The following CASP5 variants were observed in gnomAD, a reference collection of about 807,000 sequenced individuals.
CASP5 encodes caspase-5.
In CASP5, 42 loss-of-function variants were observed where a neutral mutation model predicts 45.2. That is an observed-to-expected ratio of 0.93 (90% CI 0.73 to 1.20). The LOEUF (loss-of-function observed/expected upper bound fraction) is 1.20, where lower values mean the gene tolerates loss of function less well. Among genes scored for constraint, CASP5 ranks in the 50% most tolerant of loss-of-function variants. The pLI is 0.00. For missense variants in CASP5, 512 were observed against 532.2 expected (o/e 0.96, Z 0.37); for synonymous variants, 209 against 186.2 (o/e 1.12, Z -1.00).
chr11:105,009,806 T>TAC (rs1367352048), intron 1 of CASP5, among the ~76,000 whole-genome samples: 7 of 105,382 alleles, frequency 6.6e-5, no homozygotes, highest in African/African-American at 1.4e-4. Flanking sequence ...TATATATATA[T>TAC]ACACACACAT....
chr11:104,997,459 G>A lies in CASP5; in HGVS notation c.1130C>T (p.Ser377Phe), dbSNP rs1409692975. Residue 377 changes from serine (S) to phenylalanine (F), a missense_variant, in exon 8 of 10, where the codon TCC (serine) becomes TTC (phenylalanine). By Grantham distance (155) the Ser-to-Phe change is radical. Transcript: ENST00000260315. ...NVSWRDRTRGSIFITELITCF... is the reference protein window; with the variant it reads ...NVSWRDRTRGFIFITELITCF... ...TGTGATGAGTTCCGTAATGAAGATG[G>A]AGCCCCTTGTGCGGTCTCTCCAGGA... 2 of 1,613,086 alleles carry A rather than the reference G, an allele frequency of 1.2e-6. No individual in the cohort carries two copies. The highest frequency in any genetic ancestry group is 1.7e-6 in the Non-Finnish European group (2 of 1,179,176).
chr11:105,012,748 TA>T (rs35831463), intron 1 of CASP5, among the ~76,000 whole-genome samples: 77,164 of 149,040 alleles, frequency 0.52, 20,407 homozygotes, highest in East Asian at 0.75. Context: ...ATGGGTATTA[TA>T]AAAAAAAAAG....
At chr11:105,004,436 C>A (rs376893186) in intron 3 of CASP5, among the ~76,000 whole-genome samples, 5 of 151,930 alleles carry the variant, frequency 3.3e-5, no homozygotes, top group Non-Finnish European at 7.4e-5. Context: ...ATTGAGCCCT[C>A]CTTCTGGAAA....
intron 1 of CASP5, among the ~76,000 whole-genome samples, chr11:105,022,001 TC>T (rs1862990407): frequency 6.6e-6 from 1 of 151,256 alleles, no homozygotes; most frequent in South Asian, 2.1e-4. Context: ...TGAGTTCATG[TC>T]CTTTGTAGGG....
chr11:105,006,112 C>T (rs1861988210), intron 3 of CASP5, among the ~76,000 whole-genome samples: 1 of 152,076 alleles, frequency 6.6e-6, no homozygotes, highest in Admixed American at 6.6e-5. Context: ...TTGAGTCCTT[C>T]CCTGGAAAAC....
chr11:105,008,191 G>A (rs1862101070), intron 2 of CASP5, among the ~76,000 whole-genome samples: 1 of 152,102 alleles, frequency 6.6e-6, no homozygotes, highest in South Asian at 2.1e-4. Flanking sequence ...AAAATGGAAA[G>A]GGGTTAAAGT....
At chr11:104,997,362 G>C (rs1861512260) in intron 8 of CASP5, 21 bp downstream of exon 8, 1 of 1,463,520 alleles carries the variant, frequency 6.8e-7, no homozygotes, top group Non-Finnish European at 9.6e-7. Context: ...TAAATGACTA[G>C]AAAAGGAAAT....
intron 1 of CASP5, among the ~76,000 whole-genome samples, chr11:105,009,910 CATAT>C (rs200875915): frequency 1.4e-3 from 186 of 130,046 alleles, no homozygotes; most frequent in African/African-American, 5.3e-3. Context: ...TATATATACA[CATAT>C]ATATATACAC....
At chr11:105,002,284 G>T in intron 4 of CASP5, 83 bp from the exon 5 acceptor site, 1 of 1,196,160 alleles carries the variant, frequency 8.4e-7, no homozygotes, top group Non-Finnish European at 1.2e-6. Flanking sequence ...GCTTTTTTAA[G>T]ACCTCATGCA....
chr11:105,008,847 G>A lies in CASP5; in HGVS notation c.141C>T (p.Thr47=), dbSNP rs145042659. 4.3e-5 allele frequency: 69 copies of A among 1,612,862 alleles called. No individual in the cohort carries two copies. Among genetic ancestry groups the A allele is most frequent in the Non-Finnish European group, 5.5e-5 (65 of 1,179,296 alleles). The part of the protein sequence containing the change: ...NNVAGQTSIQ[T]LVPNTDQKST... ...ACTTTTGATCCGTATTAGGTACTAG[G>A]GTCTGGATAGATGTTTGTCCAGCCA... Residue 47 remains threonine (T), a synonymous_variant, in exon 2 of 10, where the codon ACC becomes ACT. Transcript: ENST00000260315.
chr11:105,007,193 AT>A lies in CASP5; in HGVS notation c.322del (p.Ile108LeufsTer6). 1 of 1,613,914 alleles carries A rather than the reference AT, an allele frequency of 6.2e-7. No individual in the cohort carries two copies. The highest frequency in any genetic ancestry group is 8.5e-7 in the Non-Finnish European group (1 of 1,179,876). On this transcript the variant is annotated frameshift_variant, in exon 3 of 10. Coordinates refer to ENST00000260315, the MANE Select transcript of CASP5 (RefSeq NM_004347.5). LOFTEE classifies it high-confidence loss of function. Reference protein sequence around the residue: ...EEKKKYYDTKIEDKALILVDS... With the variant: ...EEKKKYYDTKXEDKALILVDS... ...TACCAAGATCAGGGCCTTGTCTTCA[AT>A]TTTGGTATCATAATATTTTTTCTTT...
chr11:105,009,720 C>CACACACATATATAT (rs1376205553), intron 1 of CASP5, among the ~76,000 whole-genome samples: 14 of 64,046 alleles, frequency 2.2e-4, no homozygotes, highest in Non-Finnish European at 2.9e-4. Context: ...TATATACACA[C>CACACACATATATAT]ATATATATAT....
At chr11:105,013,397 G>A (rs1862445210) in intron 1 of CASP5, among the ~76,000 whole-genome samples, 2 of 151,940 alleles carry the variant, frequency 1.3e-5, no homozygotes, top group Admixed American at 6.6e-5. Flanking sequence ...GTTTGACAGT[G>A]TAAATTTTAA....
Position 105,020,044 on chromosome 11 carries a change from A to G in CASP5, c.7+3086T>C, listed in dbSNP as rs1215700043. Among the ~76,000 whole-genome samples the G allele has an allele frequency of 3.4e-5, 5 of 145,788 alleles. 1 individual carries two copies. Among genetic ancestry groups the G allele is most frequent in the African/African-American group, 1.2e-4 (5 of 40,296 alleles). ...TATAATCCAGCATATAAACAGAACC[A>G]AAGACAAAAACCACGTGATTATCTC... On this transcript the variant is annotated intron_variant, in intron 1 of 9. Coordinates refer to ENST00000260315, the MANE Select transcript of CASP5 (RefSeq NM_004347.5).
chr11:105,013,214 C>T (rs1591172450), intron 1 of CASP5, among the ~76,000 whole-genome samples: 1 of 151,822 alleles, frequency 6.6e-6, no homozygotes, highest in African/African-American at 2.4e-5. Flanking sequence ...TGTAGACTCA[C>T]AAAAGTTAAA....
At chr11:105,010,328 A>T (rs1438259814) in intron 1 of CASP5, among the ~76,000 whole-genome samples, 1 of 122,046 alleles carries the variant, frequency 8.2e-6, no homozygotes, top group African/African-American at 3.9e-5. Flanking sequence ...AATGACAATC[A>T]TCATTATATC....
intron 9 of CASP5, among the ~76,000 whole-genome samples, chr11:104,994,993 G>A (rs1861389607): frequency 6.6e-6 from 1 of 152,166 alleles, no homozygotes; most frequent in South Asian, 2.1e-4. Context: ...CTGTGCACTG[G>A]GAAGAATGCA....
intron 1 of CASP5, among the ~76,000 whole-genome samples, chr11:105,017,463 G>A (rs1303128930): frequency 6.6e-6 from 1 of 151,916 alleles, no homozygotes; most frequent in Non-Finnish European, 1.5e-5. Flanking sequence ...GTGCTTAAAG[G>A]AGCTGATGGA....
intron 1 of CASP5, among the ~76,000 whole-genome samples, chr11:105,014,328 T>G (rs1420253419): frequency 1.3e-5 from 2 of 152,044 alleles, no homozygotes; most frequent in Non-Finnish European, 2.9e-5. Flanking sequence ...TCTGATTCTC[T>G]GAGGGGAGAC....
Sources: allele counts gnomAD v4.1 joint callset (sites outside exome capture counted in the v4.1 genomes callset), GRCh38; gene constraint gnomAD v4.1.1; transcripts MANE v1.5; gene names NCBI Gene and HGNC (gene_info 2026-07-23, HGNC 2026-07-21).